The following DBNDD1 variants were observed in gnomAD, a reference collection of about 807,000 sequenced individuals.
The protein encoded by DBNDD1 is dysbindin domain-containing protein 1.
Under a neutral mutation model 17.0 loss-of-function variants are expected in DBNDD1, and 14 were observed. The ratio of observed to expected loss-of-function variants is 0.82; its 90% CI spans 0.54 to 1.29. The LOEUF is 1.29. DBNDD1 is among the 50% of genes most tolerant of loss of function. The pLI is 0.00. For missense variants in DBNDD1, 221 were observed against 216.2 expected (o/e 1.02, Z -0.14); for synonymous variants, 105 against 102.0 (o/e 1.03, Z -0.18).
chr16:90,006,322 A>T lies in DBNDD1; in HGVS notation c.*13T>A. On this transcript the variant is annotated 3_prime_UTR_variant, in exon 4 of 4. Transcript: ENST00000002501. ...ACCCCATCCCTGCAGGAGCTGGGGC[A>T]GGTGGAGATGGTCTAGTCCTCCTGG... 1 of 1,597,100 alleles carries T rather than the reference A, an allele frequency of 6.3e-7. No homozygotes were observed. Among genetic ancestry groups the T allele is most frequent in the Non-Finnish European group, 8.5e-7 (1 of 1,171,594 alleles).
In DBNDD1 at chr16:90,009,322, A is replaced by C. The variant is rs371183361; in HGVS notation, c.140T>G (p.Val47Gly). 1.2e-6 allele frequency: 2 copies of C among 1,613,388 alleles called. No individual in the cohort carries two copies. The highest frequency in any genetic ancestry group is 2.7e-5 in the African/African-American group (2 of 74,912). The part of the protein sequence containing the change: ...PVEEEVGGIP[V>G]PAPGLLQVTE... ...GACCTGCAGGAGCCCCGGTGCTGGT[A>C]CTGGGATGCCCCCGACCTCCTCCTC... Residue 47 changes from valine to glycine, a missense_variant, in exon 2 of 4, where the codon GTA becomes GGA. Physicochemically the swap from Val to Gly is moderately radical, Grantham distance 109 (BLOSUM62 -3). Coordinates refer to ENST00000002501, the MANE Select transcript of DBNDD1 (RefSeq NM_001042610.3).
At chr16:90,012,259 C>T (rs114201326) in intron 1 of DBNDD1, among the ~76,000 whole-genome samples, 2,273 of 152,264 alleles carry the variant, frequency 0.015, 74 homozygotes, top group African/African-American at 0.051. Context: ...CAGGGATGTA[C>T]GTCACCGGCC....
chr16:90,009,036 C>A, intron 2 of DBNDD1, 112 bp from the exon 3 acceptor site: 2 of 1,384,646 alleles, frequency 1.4e-6, no homozygotes, highest in East Asian at 2.5e-5. Context: ...GTGGGTGAAC[C>A]ACAGCTTCCT....
intron 1 of DBNDD1, among the ~76,000 whole-genome samples, chr16:90,017,885 A>G (rs576703542): frequency 8.5e-5 from 13 of 152,348 alleles, no homozygotes; most frequent in Non-Finnish European, 1.3e-4. Context: ...CCTGTAGGTA[A>G]ATACCTGTGC....
intron 1 of DBNDD1, among the ~76,000 whole-genome samples, chr16:90,016,608 C>T (rs576206384): frequency 9.9e-5 from 15 of 152,280 alleles, no homozygotes; most frequent in African/African-American, 3.4e-4. Context: ...TGAGTGGGCA[C>T]TGAAGGAGCA....
At chr16:90,009,213 C>T in intron 2 of DBNDD1, 71 bp downstream of exon 2, 3 of 1,589,078 alleles carry the variant, frequency 1.9e-6, no homozygotes, top group Non-Finnish European at 2.6e-6. Context: ...GGAGGTGGAC[C>T]CTGCTGCCTT....
At chr16:90,016,496 C>T (rs143928313) in intron 1 of DBNDD1, among the ~76,000 whole-genome samples, 1 of 152,248 alleles carries the variant, frequency 6.6e-6, no homozygotes, top group East Asian at 1.9e-4. Flanking sequence ...CAGGAAGGAC[C>T]CCAGAGTGTG....
At chr16:90,018,864 G>T (rs537085647) in intron 1 of DBNDD1, among the ~76,000 whole-genome samples, 1 of 152,196 alleles carries the variant, frequency 6.6e-6, no homozygotes, top group South Asian at 2.1e-4. Flanking sequence ...CTGCCCGCGA[G>T]TCTACGGCCC....
chr16:90,014,132 A>AT lies in DBNDD1; in HGVS notation c.32-4703dup, dbSNP rs777832275. On this transcript the variant is annotated intron_variant, in intron 1 of 3. Transcript: ENST00000002501. Reference sequence around the variant, plus strand: ...CCTGAATTTTTAAATTATTATTATTATTATTTTTTTTTTGAGATGGAGTCT... The same window carrying AT: ...CCTGAATTTTTAAATTATTATTATTATTTATTTTTTTTTTGAGATGGAGTCT... 5.8e-4 allele frequency among the ~76,000 whole-genome samples: 85 copies of AT among 147,366 alleles called. 1 individual carries two copies. The highest frequency in any genetic ancestry group is 2.2e-3 in the South Asian group (10 of 4,636).
chr16:90,018,023 T>C (rs954006649), intron 1 of DBNDD1, among the ~76,000 whole-genome samples: 1 of 152,178 alleles, frequency 6.6e-6, no homozygotes. Flanking sequence ...GGAAAACATA[T>C]TAACCTCCAC....
chr16:90,012,710 C>A (rs527326705), intron 1 of DBNDD1, among the ~76,000 whole-genome samples: 1 of 151,914 alleles, frequency 6.6e-6, no homozygotes, highest in Non-Finnish European at 1.5e-5. Context: ...CCGTCTGCCT[C>A]GGCCTCCCAA....
chr16:90,019,846 G>C, upstream of DBNDD1: 1 of 686,970 alleles, frequency 1.5e-6, no homozygotes, highest in Non-Finnish European at 2.6e-6. This position sits in a 1 kb window ranked among gnomAD's most constrained non-coding sequence, Gnocchi z 6.1. Flanking sequence ...CCTGACTCGC[G>C]CTGGGTAATG....
At chr16:90,015,230 C>T (rs1351735334) in intron 1 of DBNDD1, among the ~76,000 whole-genome samples, 1 of 152,080 alleles carries the variant, frequency 6.6e-6, no homozygotes, top group African/African-American at 2.4e-5. Flanking sequence ...TTGGAAGATG[C>T]AGCTTCTGCC....
At chr16:90,017,061 C>A (rs1490464043) in intron 1 of DBNDD1, among the ~76,000 whole-genome samples, 2 of 152,238 alleles carry the variant, frequency 1.3e-5, no homozygotes, top group Non-Finnish European at 2.9e-5. Context: ...TGGGTTACAG[C>A]CCTGGCTTCC....
intron 1 of DBNDD1, among the ~76,000 whole-genome samples, chr16:90,016,263 A>G (rs1459643774): frequency 6.6e-6 from 1 of 152,200 alleles, no homozygotes; most frequent in Non-Finnish European, 1.5e-5. Flanking sequence ...GGGTGAATCA[A>G]CTAGCCCACG....
At chr16:90,009,575 T>A in intron 1 of DBNDD1, 145 bp from the exon 2 acceptor site, 1 of 1,282,092 alleles carries the variant, frequency 7.8e-7, no homozygotes, top group Non-Finnish European at 1.1e-6. Flanking sequence ...GCTGGGCTTG[T>A]GGCCTCATGC....
chr16:90,007,022 G>C (rs548374137), intron 3 of DBNDD1: 1 of 155,732 alleles, frequency 6.4e-6, no homozygotes, highest in South Asian at 2.0e-4. Flanking sequence ...ATTCGGGTGG[G>C]CTGGAGTCTG....
chr16:90,015,760 C>A (rs1374824730), intron 1 of DBNDD1, among the ~76,000 whole-genome samples: 1 of 151,996 alleles, frequency 6.6e-6, no homozygotes, highest in Non-Finnish European at 1.5e-5. Context: ...CCCAAAAGGA[C>A]AAATGCTGTG....
intron 2 of DBNDD1, 174 bp from the exon 3 acceptor site, chr16:90,009,098 G>T: frequency 8.3e-7 from 1 of 1,208,382 alleles, no homozygotes. Flanking sequence ...CTCATGACTA[G>T]AAGGCTTTCA....
Sources: gnomAD v4.1 joint callset for allele counts (sites outside exome capture counted in the v4.1 genomes callset) on GRCh38, gnomAD v4.1.1 for gene constraint, Gnocchi (gnomAD v3.1) non-coding constraint, MANE v1.5 for transcripts, NCBI Gene and HGNC (gene_info 2026-07-23, HGNC 2026-07-21) for gene names.